The following KIRREL1 variants were observed in gnomAD, a reference collection of about 807,000 sequenced individuals.
KIRREL1 encodes kin of IRRE-like protein 1.
KIRREL1 carries 25 observed loss-of-function variants against 83.3 expected under a neutral mutation model. That is an observed-to-expected ratio of 0.30 (90% CI 0.22 to 0.42). KIRREL1 has a LOEUF of 0.42. KIRREL1 is among the 10% of genes least tolerant of loss of function. The probability of loss-of-function intolerance (pLI) is 1.00; values close to 1 mark genes in which losing one functional copy is unlikely to be tolerated. For missense variants in KIRREL1, 812 were observed against 1,032.3 expected, an observed-to-expected ratio of 0.79 and a Z score of 2.92; for synonymous variants, 388 against 410.4, an observed-to-expected ratio of 0.95 and a Z score of 0.66.
chr1:158,047,396 G>T (rs913303992), intron 1 of KIRREL1, among the ~76,000 whole-genome samples: 1 of 152,138 alleles, frequency 6.6e-6, no homozygotes, highest in African/African-American at 2.4e-5. Context: ...GGGGTTCAGG[G>T]GAAGGTCAGG....
intron 1 of KIRREL1, among the ~76,000 whole-genome samples, chr1:158,022,953 G>T (rs949067724): frequency 6.6e-6 from 1 of 152,204 alleles, no homozygotes; most frequent in African/African-American, 2.4e-5. Context: ...AGCAACTAGA[G>T]TGACCACCCT....
At chr1:158,013,308 G>T (rs919479174) in intron 1 of KIRREL1, among the ~76,000 whole-genome samples, 1 of 152,162 alleles carries the variant, frequency 6.6e-6, no homozygotes, top group African/African-American at 2.4e-5. Flanking sequence ...GAGGCAGGTG[G>T]CAAAGAGAGT....
intron 3 of KIRREL1, among the ~76,000 whole-genome samples, chr1:158,080,677 C>A (rs1230039565): frequency 6.6e-6 from 1 of 152,168 alleles, no homozygotes; most frequent in Non-Finnish European, 1.5e-5. Context: ...CTCCTCGGGG[C>A]TCTACCCATC....
At chr1:158,067,584 C>T (rs1661389343) in intron 1 of KIRREL1, among the ~76,000 whole-genome samples, 1 of 152,228 alleles carries the variant, frequency 6.6e-6, no homozygotes, top group Non-Finnish European at 1.5e-5. Context: ...ATCTTCTCCT[C>T]CCTTTTACAG....
chr1:158,005,612 T>G (rs1182545682), intron 1 of KIRREL1, among the ~76,000 whole-genome samples: 1 of 152,062 alleles, frequency 6.6e-6, no homozygotes, highest in African/African-American at 2.4e-5. Flanking sequence ...GGAAAGAATT[T>G]TGACAGAGCT....
At chr1:158,056,732 T>TA (rs1252499402) in intron 1 of KIRREL1, among the ~76,000 whole-genome samples, 2 of 152,230 alleles carry the variant, frequency 1.3e-5, no homozygotes, top group African/African-American at 4.8e-5. Flanking sequence ...AAAGTGTTAA[T>TA]AATGCATCAC....
intron 2 of KIRREL1, 130 bp from the exon 3 acceptor site, chr1:158,077,861 G>A: frequency 1.9e-6 from 2 of 1,042,904 alleles, no homozygotes; most frequent in South Asian, 3.1e-5. Flanking sequence ...TCAGGTGTCT[G>A]TGTCTGGGGC....
Position 158,095,972 on chromosome 1 carries a change from C to T in KIRREL1, c.*852C>T, listed in dbSNP as rs12749808. ...CACAAGCCTCCTCTCCCCAGTCTGC[C>T]CCACTTCCTGGCTTTAACTCTTGAG... On this transcript the variant is annotated 3_prime_UTR_variant, in exon 15 of 15. Transcript: ENST00000359209. 42,807 of 154,826 alleles carry T rather than the reference C, an allele frequency of 0.28. 7,420 individuals carry two copies. Among genetic ancestry groups the T allele is most frequent in the East Asian group, 0.49 (2,538 of 5,204 alleles). The allele number at this position is 154,826 out of a possible 1,614,324, so 9.6% of individuals were successfully genotyped here.
chr1:157,993,765 C>T (rs901561474), intron 1 of KIRREL1, 37 bp downstream of exon 1: 10 of 1,365,792 alleles, frequency 7.3e-6, no homozygotes, highest in South Asian at 1.5e-5. Context: ...CGCTCGGCTT[C>T]CCCCCGGGGC....
At chr1:158,057,995 G>T (rs146446610) in intron 1 of KIRREL1, among the ~76,000 whole-genome samples, 2 of 152,352 alleles carry the variant, frequency 1.3e-5, no homozygotes, top group Non-Finnish European at 2.9e-5. Flanking sequence ...TGATAAGCAT[G>T]TAATTGCCTT....
At chr1:158,054,911 A>G (rs1001127759) in intron 1 of KIRREL1, among the ~76,000 whole-genome samples, 1 of 152,168 alleles carries the variant, frequency 6.6e-6, no homozygotes, top group Admixed American at 6.5e-5. Context: ...CAAGTTTACT[A>G]CCTACACTGT....
intron 1 of KIRREL1, among the ~76,000 whole-genome samples, chr1:158,028,537 A>G (rs6661149): frequency 0.83 from 125,740 of 152,142 alleles, 53,072 homozygotes; most frequent in Non-Finnish European, 0.91. Flanking sequence ...TTGCGATGAT[A>G]TACCAGGCCT....
At chr1:158,072,630 G>A (rs928825184) in intron 1 of KIRREL1, among the ~76,000 whole-genome samples, 2 of 152,244 alleles carry the variant, frequency 1.3e-5, no homozygotes, top group East Asian at 3.9e-4. Flanking sequence ...GCCTGTGCAA[G>A]GGCATGAAGA....
At chr1:158,031,464 G>A (rs964458309) in intron 1 of KIRREL1, among the ~76,000 whole-genome samples, 2 of 152,214 alleles carry the variant, frequency 1.3e-5, no homozygotes, top group African/African-American at 4.8e-5. Flanking sequence ...TGCCCTCTAG[G>A]CTCAGGGGCC....
chr1:158,006,532 G>T (rs1360114236), intron 1 of KIRREL1, among the ~76,000 whole-genome samples: 1 of 152,224 alleles, frequency 6.6e-6, no homozygotes, highest in Non-Finnish European at 1.5e-5. Context: ...CCCCGCGTGA[G>T]CCCAAGAAGT....
In KIRREL1 at chr1:158,086,581, C is replaced by A; in HGVS notation, c.511-15C>A. 1 of 1,551,574 alleles carries A rather than the reference C, an allele frequency of 6.4e-7. No individual in the cohort carries two copies. The highest frequency in any genetic ancestry group is 8.7e-7 in the Non-Finnish European group (1 of 1,146,870). ...TTTTAGCTTAACCATATCTCCCACC[C>A]TTGTCATGTTCCAGGAATTGCTGAA... On this transcript the variant is annotated splice_polypyrimidine_tract_variant and intron_variant, in intron 4 of 14. Coordinates refer to ENST00000359209, the MANE Select transcript of KIRREL1 (RefSeq NM_018240.7).
At chr1:158,060,664 A>G (rs909563136) in intron 1 of KIRREL1, among the ~76,000 whole-genome samples, 3 of 152,092 alleles carry the variant, frequency 2.0e-5, no homozygotes, top group African/African-American at 7.2e-5. Context: ...CTCATCAGTC[A>G]TATGGGGCAG....
chr1:158,067,748 G>A (rs771745385), intron 1 of KIRREL1, among the ~76,000 whole-genome samples: 3 of 152,316 alleles, frequency 2.0e-5, no homozygotes, highest in South Asian at 2.1e-4. Flanking sequence ...GGCTGATCCC[G>A]CTTGCATTTT....
At chr1:158,043,401 G>C (rs752469026) in intron 1 of KIRREL1, among the ~76,000 whole-genome samples, 1 of 152,126 alleles carries the variant, frequency 6.6e-6, no homozygotes, top group Non-Finnish European at 1.5e-5. Context: ...CCCTCTCTTG[G>C]CCCGGCTGCA....
Sources: allele counts gnomAD v4.1 joint callset (sites outside exome capture counted in the v4.1 genomes callset), GRCh38; gene constraint gnomAD v4.1.1; transcripts MANE v1.5; gene names NCBI Gene and HGNC (gene_info 2026-07-23, HGNC 2026-07-21).